Variants in RYR2 observed in about 807,000 individuals in gnomAD.
RYR2 encodes the protein ryanodine receptor 2.
RYR2 carries 227 observed loss-of-function variants against 601.1 expected under a neutral mutation model. That is an observed-to-expected ratio of 0.38 (90% CI 0.34 to 0.42). The LOEUF (loss-of-function observed/expected upper bound fraction) is 0.42, where lower values mean the gene tolerates loss of function less well. Among genes scored for constraint, RYR2 ranks in the 10% least tolerant of loss-of-function variants. The pLI is 1.00. For missense variants in RYR2, 4,646 were observed against 6,156.5 expected (o/e 0.75, Z 8.21); for synonymous variants, 2,223 against 2,175.1 (o/e 1.02, Z -0.61).
chr1:237,243,704 C>A (rs1038185497), intron 1 of RYR2, among the ~76,000 whole-genome samples: 2 of 152,118 alleles, frequency 1.3e-5, no homozygotes, highest in African/African-American at 2.4e-5. Context: ...TGCCTTGGGG[C>A]AGGTGAAAGG....
chr1:237,085,947 GT>G (rs895897400), intron 1 of RYR2, among the ~76,000 whole-genome samples: 1 of 152,186 alleles, frequency 6.6e-6, no homozygotes, highest in Admixed American at 6.5e-5. Flanking sequence ...TGGAGATGGG[GT>G]TTCACCATGT....
rs1429961897 is a variant in RYR2, at chr1:237,607,582, AG to A, written c.4684-3179del. On this transcript the variant is annotated intron_variant, in intron 35 of 104. Coordinates refer to ENST00000366574, the MANE Select transcript of RYR2 (RefSeq NM_001035.3). ...TAGAAGTTAAAGTATAATAAAAAAAAGAATAGGATTTAACAATGAATTGGAC... is the reference window on the plus strand; with the variant it reads ...TAGAAGTTAAAGTATAATAAAAAAAAAATAGGATTTAACAATGAATTGGAC... Among the ~76,000 whole-genome samples, 18 of 152,344 alleles carry A rather than the reference AG, an allele frequency of 1.2e-4. No homozygotes were observed. In the South Asian group the frequency reaches 2.5e-3, roughly 21 times the overall value.
chr1:237,468,174 G>C (rs569292170), intron 16 of RYR2, among the ~76,000 whole-genome samples: 47 of 152,140 alleles, frequency 3.1e-4, no homozygotes, highest in African/African-American at 1.1e-3. Flanking sequence ...ATTTTCAATA[G>C]TGATTATTCT....
At chr1:237,142,910 C>T (rs575999403) in intron 1 of RYR2, among the ~76,000 whole-genome samples, 7 of 152,170 alleles carry the variant, frequency 4.6e-5, no homozygotes, top group East Asian at 3.9e-4. Context: ...TCGGTAGCAC[C>T]GGCTCCCCAC....
At chr1:237,572,175 A>G (rs1270669917) in intron 29 of RYR2, among the ~76,000 whole-genome samples, 2 of 152,140 alleles carry the variant, frequency 1.3e-5, no homozygotes, top group African/African-American at 4.8e-5. Context: ...ATGTCAAAGT[A>G]TTAGTGGGAA....
chr1:237,733,702 C>T lies in RYR2; in HGVS notation c.11040-3C>T, dbSNP rs876657984. 2 of 1,606,900 alleles carry T rather than the reference C, an allele frequency of 1.2e-6. No individual in the cohort carries two copies. Among genetic ancestry groups the T allele is most frequent in the African/African-American group, 1.3e-5 (1 of 74,774 alleles). On this transcript the variant is annotated splice_polypyrimidine_tract_variant and splice_region_variant and intron_variant, in intron 78 of 104. Transcript: ENST00000366574. ...ACTGATGTTTTCTTCTTGCTTTCCC[C>T]AGCAAACTGGAGGAAGATTTTTTAT...
chr1:237,364,234 A>G (rs1045986250), intron 4 of RYR2, 124 bp from the exon 5 acceptor site: 3 of 757,442 alleles, frequency 4.0e-6, no homozygotes, highest in Non-Finnish European at 6.0e-6. Context: ...GTTTTTTTTT[A>G]TGTTTATTGT....
chr1:237,596,705 G>A (rs2148481177), intron 34 of RYR2, among the ~76,000 whole-genome samples: 1 of 152,226 alleles, frequency 6.6e-6, no homozygotes, highest in East Asian at 1.9e-4. Context: ...CCTTTCCAAG[G>A]CACATTATAA....
intron 3 of RYR2, among the ~76,000 whole-genome samples, chr1:237,331,247 C>T (rs574592037): frequency 1.3e-5 from 2 of 152,036 alleles, no homozygotes; most frequent in Non-Finnish European, 2.9e-5. Context: ...TTTCTTTGAG[C>T]GTTTCTGTGT....
intron 27 of RYR2, among the ~76,000 whole-genome samples, chr1:237,558,037 A>G (rs1310159555): frequency 6.6e-6 from 1 of 152,194 alleles, no homozygotes; most frequent in Non-Finnish European, 1.5e-5. Flanking sequence ...TTTTACACTA[A>G]GGGAGAGAGA....
chr1:237,187,039 C>T (rs1364548319), intron 1 of RYR2, among the ~76,000 whole-genome samples: 1 of 152,080 alleles, frequency 6.6e-6, no homozygotes, highest in African/African-American at 2.4e-5. Context: ...CAGCTTTTTG[C>T]GAACTCTGAA....
At chr1:237,388,019 G>A in intron 9 of RYR2, 68 bp from the exon 10 acceptor site, 1 of 1,389,586 alleles carries the variant, frequency 7.2e-7, no homozygotes, top group South Asian at 1.2e-5. Context: ...GATTGGACCA[G>A]ATGATCTGTC....
At chr1:237,355,542 T>C (rs1699221052) in intron 3 of RYR2, among the ~76,000 whole-genome samples, 1 of 152,198 alleles carries the variant, frequency 6.6e-6, no homozygotes, top group Non-Finnish European at 1.5e-5. Context: ...AATTTTACTT[T>C]AAGTGTCATG....
At position 237,833,783 on chromosome 1, in the gene RYR2, T is replaced by C. The variant is rs1664085501; in HGVS notation, c.*1136T>C. The C allele has an allele frequency of 6.6e-6, 1 of 152,638 alleles. No individual in the cohort carries two copies. Among genetic ancestry groups the C allele is most frequent in the African/African-American group, 2.4e-5 (1 of 41,452 alleles). The allele number at this position is 152,638 out of a possible 1,614,324, so 9.5% of individuals were successfully genotyped here. The stretch of plus-strand genomic sequence containing the variant: ...AATATCCATTCAGGGATTTCATCAG[T>C]TGCATCACAAAACACGGATGATAAT... On this transcript the variant is annotated 3_prime_UTR_variant, in exon 105 of 105. Transcript: ENST00000366574.
chr1:237,327,849 G>A (rs905041101), intron 2 of RYR2, among the ~76,000 whole-genome samples: 2 of 152,056 alleles, frequency 1.3e-5, no homozygotes, highest in Non-Finnish European at 2.9e-5. Context: ...TTTTAGGGAA[G>A]GAAACCAAAG....
chr1:237,551,778 A>T (rs1243496703), intron 27 of RYR2, among the ~76,000 whole-genome samples: 1 of 152,154 alleles, frequency 6.6e-6, no homozygotes, highest in Admixed American at 6.5e-5. Flanking sequence ...TAATAATGAT[A>T]GTTTATATAT....
At chr1:237,480,655 C>T (rs552588500) in intron 17 of RYR2, among the ~76,000 whole-genome samples, 1 of 152,080 alleles carries the variant, frequency 6.6e-6, no homozygotes, top group Non-Finnish European at 1.5e-5. Flanking sequence ...CTAATTAAGG[C>T]TGCATAGTAC....
chr1:237,790,303 T>C (rs969653430), intron 92 of RYR2, among the ~76,000 whole-genome samples: 3 of 152,126 alleles, frequency 2.0e-5, no homozygotes, highest in African/African-American at 7.2e-5. Flanking sequence ...CAACGATAAT[T>C]ATTCTCAGTT....
chr1:237,667,823 TAGAA>T lies in RYR2; in HGVS notation c.8515-57_8515-54del, dbSNP rs1322987385. 3 of 1,256,494 alleles carry T rather than the reference TAGAA, an allele frequency of 2.4e-6. No homozygotes were observed. In the African/African-American group the frequency reaches 4.5e-5, roughly 19 times the overall value. 77.8% of individuals were successfully genotyped at this position (1,256,494 alleles called of 1,614,324 possible). Reference sequence around the variant, plus strand: ...CTTTACGGTATCTAATATTATATATTAGAAAGCAATATTATCCTTTTTTACTTAT... The same window carrying T: ...CTTTACGGTATCTAATATTATATATTAGCAATATTATCCTTTTTTACTTAT... On this transcript the variant is annotated intron_variant, in intron 57 of 104. Transcript: ENST00000366574.
Sources: gnomAD v4.1 joint callset for allele counts (sites outside exome capture counted in the v4.1 genomes callset) on GRCh38, gnomAD v4.1.1 for gene constraint, MANE v1.5 for transcripts, NCBI Gene and HGNC (gene_info 2026-07-23, HGNC 2026-07-21) for gene names.